Variants in PACRG observed in about 807,000 individuals in gnomAD.
PACRG encodes parkin coregulated.
PACRG carries 29 observed loss-of-function variants against 29.7 expected under a neutral mutation model. The ratio of observed to expected loss-of-function variants is 0.98; its 90% CI spans 0.73 to 1.33. The LOEUF is 1.33. Ranked by LOEUF, PACRG falls within the 40% of genes most tolerant of loss-of-function variation. The probability of loss-of-function intolerance (pLI) is 0.00; values close to 1 mark genes in which losing one functional copy is unlikely to be tolerated. For missense variants in PACRG, 279 were observed against 316.2 expected, an observed-to-expected ratio of 0.88 and a Z score of 0.89; for synonymous variants, 116 against 118.7, an observed-to-expected ratio of 0.98 and a Z score of 0.15.
chr6:162,846,371 G>T (rs978908825), intron 2 of PACRG, among the ~76,000 whole-genome samples: 5 of 152,122 alleles, frequency 3.3e-5, no homozygotes, highest in African/African-American at 1.2e-4. Flanking sequence ...CCCACACTTT[G>T]TAAAAATCTT....
At chr6:162,952,375 A>G (rs2128133665) in intron 2 of PACRG, among the ~76,000 whole-genome samples, 1 of 152,326 alleles carries the variant, frequency 6.6e-6, no homozygotes, top group East Asian at 1.9e-4. Context: ...TTTTCATATT[A>G]TAACCCTTTC....
Position 162,728,113 on chromosome 6 carries a change from G to A in PACRG, c.-123G>A. 8.5e-7 allele frequency: 1 copy of A among 1,180,456 alleles called. No individual in the cohort carries two copies. The highest frequency in any genetic ancestry group is 1.2e-6 in the Non-Finnish European group (1 of 832,564). 73.1% of individuals were successfully genotyped at this position (1,180,456 alleles called of 1,614,324 possible). A position where few individuals can be genotyped will look rare whatever the true frequency, so the allele number is the denominator to read the frequency against. On this transcript the variant is annotated 5_prime_UTR_variant, in exon 1 of 5. Coordinates refer to ENST00000366888, the MANE Select transcript of PACRG (RefSeq NM_001080379.2). ...ATCTGGATCAACCTGGGCACTACGA[G>A]GGGTTGAATTTCTACCATTATCGCG...
chr6:162,782,633 CTT>C (rs1330074198), intron 1 of PACRG, among the ~76,000 whole-genome samples: 1 of 151,726 alleles, frequency 6.6e-6, no homozygotes, highest in East Asian at 1.9e-4. Context: ...AACTGTCACT[CTT>C]TACATACTTC....
intron 2 of PACRG, among the ~76,000 whole-genome samples, chr6:162,915,670 A>G (rs1185213718): frequency 6.6e-6 from 1 of 152,136 alleles, no homozygotes; most frequent in East Asian, 1.9e-4. Flanking sequence ...ATGTGAATGT[A>G]TCTCTTAGCT....
At chr6:162,955,590 C>T (rs140589525) in intron 2 of PACRG, among the ~76,000 whole-genome samples, 212 of 152,330 alleles carry the variant, frequency 1.4e-3, no homozygotes, top group African/African-American at 4.7e-3. Flanking sequence ...TGAGCCACCA[C>T]GCCCAGCCCA....
At chr6:163,071,616 C>T (rs1237339926) in intron 3 of PACRG, among the ~76,000 whole-genome samples, 1 of 149,892 alleles carries the variant, frequency 6.7e-6, no homozygotes, top group Non-Finnish European at 1.5e-5. Flanking sequence ...CCTAACAATG[C>T]ATCTTAAAGA....
At chr6:163,001,460 T>G (rs887148113) in intron 2 of PACRG, among the ~76,000 whole-genome samples, 1 of 151,822 alleles carries the variant, frequency 6.6e-6, no homozygotes, top group African/African-American at 2.4e-5. Flanking sequence ...GAAGTGGGAG[T>G]GGCAGCCGGT....
At chr6:163,095,191 CT>C in intron 4 of PACRG, 1 of 915,112 alleles carries the variant, frequency 1.1e-6, no homozygotes, top group Non-Finnish European at 1.3e-6. Context: ...CCTACACATG[CT>C]TATGAGGTTA....
intron 1 of PACRG, among the ~76,000 whole-genome samples, chr6:162,773,097 A>G (rs553075531): frequency 4.6e-5 from 7 of 152,296 alleles, no homozygotes; most frequent in Admixed American, 1.3e-4. Context: ...GTGAAAGCCT[A>G]CTGGAATAGG....
rs536329207 is a variant in PACRG, at chr6:163,088,582, C to T, written c.464-677C>T. Reference sequence around the variant, plus strand: ...TCAGACCCTCCCTGGTGGCATCTTGCTCTGTCTCTGCAGTACAGCTTGTTA... The same window carrying T: ...TCAGACCCTCCCTGGTGGCATCTTGTTCTGTCTCTGCAGTACAGCTTGTTA... On this transcript the variant is annotated intron_variant, in intron 3 of 4. Coordinates refer to ENST00000366888, the MANE Select transcript of PACRG (RefSeq NM_001080379.2). 3.9e-4 allele frequency among the ~76,000 whole-genome samples: 60 copies of T among 152,300 alleles called. No homozygotes were observed. In the South Asian group the frequency reaches 5.6e-3, roughly 14 times the overall value.
At chr6:163,156,414 C>T (rs1349877472) in intron 4 of PACRG, among the ~76,000 whole-genome samples, 1 of 152,136 alleles carries the variant, frequency 6.6e-6, no homozygotes, top group East Asian at 1.9e-4. Context: ...TCGCCCTTCT[C>T]CTGAACCAGC....
At chr6:162,994,571 G>C (rs542780362) in intron 2 of PACRG, among the ~76,000 whole-genome samples, 6 of 151,708 alleles carry the variant, frequency 4.0e-5, no homozygotes, top group African/African-American at 1.5e-4. Context: ...CGTAGTTCTC[G>C]AGCCTTGGTT....
chr6:163,196,300 C>T (rs1780450984), intron 4 of PACRG, among the ~76,000 whole-genome samples: 1 of 152,206 alleles, frequency 6.6e-6, no homozygotes, highest in South Asian at 2.1e-4. Flanking sequence ...ACACCGTCGT[C>T]CCTCCCCTGG....
chr6:163,007,684 A>C (rs1448088763), intron 2 of PACRG, among the ~76,000 whole-genome samples: 1 of 152,160 alleles, frequency 6.6e-6, no homozygotes, highest in Non-Finnish European at 1.5e-5. Context: ...TCAGATGTCC[A>C]GTGCCTTGAG....
rs1780528440 is a variant in PACRG, at chr6:162,740,774, A to AT, written c.156+12388dup. ...GCCACCACGCCCAGCTAATTTTTGT[A>AT]TTTTTAGTAGAAACGGGGGTTTCAC... On this transcript the variant is annotated intron_variant, in intron 1 of 4. Coordinates refer to ENST00000366888, the MANE Select transcript of PACRG (RefSeq NM_001080379.2). 7.4e-5 allele frequency among the ~76,000 whole-genome samples: 11 copies of AT among 148,968 alleles called. No homozygotes were observed. The South Asian group carries it at 2.4e-3, about 32-fold the overall frequency.
At chr6:163,010,208 T>G (rs1330563669) in intron 2 of PACRG, among the ~76,000 whole-genome samples, 1 of 152,226 alleles carries the variant, frequency 6.6e-6, no homozygotes, top group Admixed American at 6.5e-5. Context: ...TGCTAGATGA[T>G]ATGAACTGTT....
At chr6:163,194,434 T>A (rs1189368166) in intron 4 of PACRG, among the ~76,000 whole-genome samples, 1 of 151,970 alleles carries the variant, frequency 6.6e-6, no homozygotes, top group Non-Finnish European at 1.5e-5. Context: ...TTCTTCATCT[T>A]GTTATTTCCA....
At chr6:163,308,344 C>A (rs929261521) in intron 4 of PACRG, among the ~76,000 whole-genome samples, 1 of 152,150 alleles carries the variant, frequency 6.6e-6, no homozygotes, top group African/African-American at 2.4e-5. Flanking sequence ...TCATCTCAAT[C>A]TTTTAACTAC....
intron 4 of PACRG, among the ~76,000 whole-genome samples, chr6:163,214,606 T>C (rs983478268): frequency 1.1e-4 from 16 of 152,116 alleles, no homozygotes; most frequent in African/African-American, 3.4e-4. Context: ...TTGTTTGCTG[T>C]TGTAAATGGT....
Sources: allele counts gnomAD v4.1 joint callset (sites outside exome capture counted in the v4.1 genomes callset), GRCh38; gene constraint gnomAD v4.1.1; transcripts MANE v1.5; gene names NCBI Gene and HGNC (gene_info 2026-07-23, HGNC 2026-07-21).